Variants in HEATR4 observed in about 807,000 individuals in gnomAD.
HEATR4 encodes HEAT repeat-containing protein 4.
HEATR4 carries 95 observed loss-of-function variants against 108.8 expected under a neutral mutation model. The observed-to-expected ratio is 0.87, with a 90% CI of 0.74 to 1.04. HEATR4 has a LOEUF of 1.04. Ranked by LOEUF, HEATR4 falls within the 50% of genes least tolerant of loss-of-function variation. HEATR4 has a pLI of 0.00. For synonymous variants in HEATR4, 443 were observed against 459.4 expected (o/e 0.96, Z 0.46); for missense variants, 1,152 against 1,253.8 (o/e 0.92, Z 1.23).
the HEATR4 span, among the ~76,000 whole-genome samples, chr14:73,632,857 A>AAAG: frequency 7.0e-6 from 1 of 143,178 alleles, no homozygotes; most frequent in Non-Finnish European, 1.5e-5. Flanking sequence ...AAAAAAAAAA[A>AAAG]AAGAAGAAGA....
At chr14:73,524,293 C>CAAAAAAAAAAAAA (rs1160344592) in intron 2 of HEATR4, among the ~76,000 whole-genome samples, 3 of 56,658 alleles carry the variant, frequency 5.3e-5, no homozygotes, top group African/African-American at 9.3e-5. Flanking sequence ...AACTCCGTCT[C>CAAAAAAAAAAAAA]AAAAAAAAAA....
At chr14:73,615,402 A>C in the HEATR4 span, among the ~76,000 whole-genome samples, 14 of 79,960 alleles carry the variant, frequency 1.8e-4, no homozygotes, top group Admixed American at 1.1e-3. Context: ...AAAAAAAAAA[A>C]AAAAACAAAA....
chr14:73,631,869 C>A, the HEATR4 span: 1 of 157,014 alleles, frequency 6.4e-6, no homozygotes, highest in South Asian at 1.8e-4. Context: ...TACAGCTCTT[C>A]GGCTCTGTGG....
At position 73,502,902 on chromosome 14, in the gene HEATR4, T is replaced by C; in HGVS notation, c.2098A>G (p.Ile700Val). The C allele has an allele frequency of 6.2e-7, 1 of 1,611,772 alleles. No homozygotes were observed. Among genetic ancestry groups the C allele is most frequent in the Non-Finnish European group, 8.5e-7 (1 of 1,178,012 alleles). Residue 700 changes from isoleucine (I) to valine (V), a missense_variant, in exon 11 of 18, where the codon ATA (isoleucine) becomes GTA (valine). Ile to Val is a conservative substitution (Grantham distance 29). Coordinates refer to ENST00000553558, the MANE Select transcript of HEATR4 (RefSeq NM_001220484.1). Reference protein sequence around the residue: ...QMSLGKEVHDIIRVKLGQGNS... With the variant: ...QMSLGKEVHDVIRVKLGQGNS... ...ATGTTGACTGGGTCTTACCTGATTATGTCGTGCACCTCTTTCCCGAGGCTC... is the reference window on the plus strand; with the variant it reads ...ATGTTGACTGGGTCTTACCTGATTACGTCGTGCACCTCTTTCCCGAGGCTC...
At chr14:73,610,768 C>T in the HEATR4 span, among the ~76,000 whole-genome samples, 1 of 152,180 alleles carries the variant, frequency 6.6e-6, no homozygotes, top group South Asian at 2.1e-4. Flanking sequence ...ACTAGTAGTT[C>T]TCAAGCATAG....
chr14:73,597,350 C>T, the HEATR4 span, among the ~76,000 whole-genome samples: 1 of 152,038 alleles, frequency 6.6e-6, no homozygotes, highest in African/African-American at 2.4e-5. Flanking sequence ...TCCCAAAGTG[C>T]TGGGATTACA....
rs148529078 is a variant in HEATR4, at chr14:73,531,463, C to T, written c.-151-1219G>A. On this transcript the variant is annotated intron_variant, in intron 1 of 17. Transcript: ENST00000553558. ...TGCGAGGGAGTCTCACTCTGTCGCC[C>T]AGGCTGGAGTGCAGTGGTGTGATCT... 8.4e-3 allele frequency among the ~76,000 whole-genome samples: 867 copies of T among 102,940 alleles called. 278 individuals carry two copies. In the East Asian group the frequency reaches 0.2, roughly 24 times the overall value. 67.5% of individuals were successfully genotyped at this position (102,940 alleles called of 152,430 possible).
chr14:73,498,117 TA>T, intron 14 of HEATR4, 37 bp downstream of exon 14: 1 of 1,561,728 alleles, frequency 6.4e-7, no homozygotes, highest in Non-Finnish European at 8.7e-7. Flanking sequence ...GAGTTGGCAG[TA>T]TAAGGTCATG....
In HEATR4 at chr14:73,509,285, G is replaced by A. The variant is rs1887052378; in HGVS notation, c.1720+27C>T. On this transcript the variant is annotated intron_variant, in intron 8 of 17. Transcript: ENST00000553558. ...GTGAGATGTCTATCCCATATTTCCA[G>A]GTCAGAAGTAACAGGGAGTTACTCA... The A allele has an allele frequency of 2.5e-6, 4 of 1,607,620 alleles. No homozygotes were observed. In the Admixed American group the frequency reaches 6.7e-5, roughly 27 times the overall value.
chr14:73,612,870 C>T, the HEATR4 span: 1 of 1,398,922 alleles, frequency 7.1e-7, no homozygotes. Context: ...GACGTGCGGA[C>T]GCCCTTCGCC....
chr14:73,595,571 C>G, the HEATR4 span: 1 of 1,583,450 alleles, frequency 6.3e-7, no homozygotes, highest in South Asian at 1.1e-5. Context: ...TTCTAAGGCC[C>G]AGGAAGATGC....
At chr14:73,527,961 CAAAAAAAAA>C (rs34109465) in intron 2 of HEATR4, among the ~76,000 whole-genome samples, 2 of 52,694 alleles carry the variant, frequency 3.8e-5, no homozygotes, top group African/African-American at 7.2e-5. Flanking sequence ...AACTCCATCT[CAAAAAAAAA>C]AAAAAAAAAA....
chr14:73,608,782 AT>A, the HEATR4 span, among the ~76,000 whole-genome samples: 12 of 152,166 alleles, frequency 7.9e-5, no homozygotes, highest in African/African-American at 2.2e-4. Context: ...AGATGGGATA[AT>A]TTACGAAGGA....
At chr14:73,548,189 G>C (rs1409230777) in intron 1 of HEATR4, among the ~76,000 whole-genome samples, 5 of 115,884 alleles carry the variant, frequency 4.3e-5, no homozygotes, top group Non-Finnish European at 7.6e-5. Flanking sequence ...TCAGTAGAAG[G>C]GTCCAGCTGC....
rs1175686671 is a variant in HEATR4 at position 73,523,061 on chromosome 14, T to C, written c.92A>G (p.Tyr31Cys). 6.2e-7 allele frequency: 1 copy of C among 1,613,874 alleles called. No individual in the cohort carries two copies. Among genetic ancestry groups the C allele is most frequent in the South Asian group, 1.1e-5 (1 of 91,090 alleles). ...CTCCTCCTTGCCTTTCAATTTTGAG[T>C]AGTTTAAAATCATGCCCCATCCCAG... ...PRLGWGMILN[Y>C]SKLKGKEECA... Residue 31 changes from tyrosine to cysteine, a missense_variant, in exon 3 of 18, where the codon TAC becomes TGC. Physicochemically the swap from Tyr to Cys is radical, Grantham distance 194. Coordinates refer to ENST00000553558, the MANE Select transcript of HEATR4 (RefSeq NM_001220484.1).
the HEATR4 span, among the ~76,000 whole-genome samples, chr14:73,604,748 A>C: frequency 1.3e-5 from 2 of 152,108 alleles, no homozygotes; most frequent in Non-Finnish European, 2.9e-5. Flanking sequence ...TTGGCCTCCC[A>C]AGTGCTGGGA....
chr14:73,506,811 T>G (rs977630205), intron 9 of HEATR4, among the ~76,000 whole-genome samples: 6 of 130,460 alleles, frequency 4.6e-5, no homozygotes, highest in Non-Finnish European at 7.7e-5. Context: ...ACTGTTTTTT[T>G]TTTTTTTTTT....
chr14:73,559,102 GATTA>G (rs1312997728), upstream of HEATR4, among the ~76,000 whole-genome samples: 1 of 151,866 alleles, frequency 6.6e-6, no homozygotes, highest in African/African-American at 2.4e-5. Context: ...CTTATTTATT[GATTA>G]TTTATTGAAT....
chr14:73,572,173 G>GAAAA, the HEATR4 span, among the ~76,000 whole-genome samples: 1 of 37,376 alleles, frequency 2.7e-5, no homozygotes, highest in African/African-American at 2.9e-4. Flanking sequence ...CCTTATAAGA[G>GAAAA]GCCAGATGAG....
Sources: gnomAD v4.1 joint callset for allele counts (sites outside exome capture counted in the v4.1 genomes callset) on GRCh38, gnomAD v4.1.1 for gene constraint, MANE v1.5 for transcripts, NCBI Gene and HGNC (gene_info 2026-07-23, HGNC 2026-07-21) for gene names.